CSMD3: variants seen among roughly 807,000 people sequenced by gnomAD.
CSMD3 encodes the protein CUB and Sushi multiple domains 3, also known as CUB and sushi domain-containing protein 3.
Under a neutral mutation model 435.2 loss-of-function variants are expected in CSMD3, and 177 were observed. The ratio of observed to expected loss-of-function variants is 0.41; its 90% confidence interval spans 0.36 to 0.46. CSMD3 has a LOEUF of 0.46. Ranked by LOEUF, CSMD3 falls within the 20% of genes least tolerant of loss-of-function variation. The pLI, the probability that CSMD3 is intolerant of heterozygous loss-of-function variation, is 0.34. For missense variants in CSMD3, 4,265 were observed against 4,504.6 expected (o/e 0.95, Z 1.52); for synonymous variants, 1,656 against 1,520.5 (o/e 1.09, Z -2.07).
chr8:113,050,091 TAAATTTAA>T (rs1252520829), intron 5 of CSMD3, among the ~76,000 whole-genome samples: 1 of 152,108 alleles, frequency 6.6e-6, no homozygotes, highest in Admixed American at 6.5e-5. Context: ...AATTTTAACA[TAAATTTAA>T]AAATTTAAAA....
chr8:113,008,833 A>G (rs1346133987), intron 6 of CSMD3, among the ~76,000 whole-genome samples: 2 of 151,322 alleles, frequency 1.3e-5, no homozygotes, highest in Middle Eastern at 3.2e-3. Flanking sequence ...CTAACAACCT[A>G]TTTATTATAT....
chr8:112,288,839 T>G (rs2130649951), intron 57 of CSMD3, among the ~76,000 whole-genome samples: 1 of 152,228 alleles, frequency 6.6e-6, no homozygotes, highest in South Asian at 2.1e-4. Context: ...TGTCACTTAT[T>G]AATATTAGGA....
intron 42 of CSMD3, 55 bp downstream of exon 42, chr8:112,341,422 T>A: frequency 8.7e-7 from 1 of 1,153,192 alleles, no homozygotes; most frequent in Non-Finnish European, 1.3e-6. Flanking sequence ...AGTTAAATAT[T>A]TCTAATAGCT....
Position 112,291,503 on chromosome 8 carries a change from T to A in CSMD3, c.8974+7A>T. ...TTCTCAAGAAACAATTCACATTATC[T>A]ACTTACTGATACATTCTGGTAAAGG... is the stretch of plus-strand genomic sequence containing the variant. On this transcript the variant is annotated splice_region_variant and intron_variant, in intron 56 of 70. Transcript: ENST00000297405. 1 of 1,575,604 alleles carries A rather than the reference T, an allele frequency of 6.3e-7. No individual in the cohort carries two copies. Among genetic ancestry groups the A allele is most frequent in the Non-Finnish European group, 8.7e-7 (1 of 1,145,834 alleles).
intron 3 of CSMD3, among the ~76,000 whole-genome samples, chr8:113,262,286 A>AT (rs749624367): frequency 4.6e-5 from 7 of 152,072 alleles, no homozygotes; most frequent in Non-Finnish European, 8.8e-5. Context: ...TTGACTATAT[A>AT]TTTTTAGGTA....
intron 38 of CSMD3, among the ~76,000 whole-genome samples, chr8:112,356,437 A>AT (rs1212543447): frequency 6.6e-6 from 1 of 152,134 alleles, no homozygotes; most frequent in African/African-American, 2.4e-5. Flanking sequence ...ATTGTCACTT[A>AT]TAAGTGGGAG....
At chr8:112,428,069 A>C (rs1051035054) in intron 32 of CSMD3, among the ~76,000 whole-genome samples, 4 of 152,162 alleles carry the variant, frequency 2.6e-5, no homozygotes, top group Non-Finnish European at 5.9e-5. Context: ...TTGGCATTTA[A>C]TTTCTAAAGT....
intron 22 of CSMD3, among the ~76,000 whole-genome samples, chr8:112,599,400 A>C: frequency 7.0e-6 from 1 of 143,558 alleles, no homozygotes. Flanking sequence ...GAGAAATAGG[A>C]ACACTTTTAC....
chr8:112,949,966 T>G (rs561663329), intron 8 of CSMD3, among the ~76,000 whole-genome samples: 3 of 152,006 alleles, frequency 2.0e-5, no homozygotes, highest in Non-Finnish European at 2.9e-5. Context: ...TCCCACTTCT[T>G]CCAAAAGATA....
At chr8:112,508,193 C>G (rs1563635011) in intron 28 of CSMD3, among the ~76,000 whole-genome samples, 1 of 152,110 alleles carries the variant, frequency 6.6e-6, no homozygotes, top group South Asian at 2.1e-4. Flanking sequence ...CACAAACACG[C>G]TCAGGTTTCT....
intron 3 of CSMD3, among the ~76,000 whole-genome samples, chr8:113,267,445 A>G (rs1293018996): frequency 6.6e-6 from 1 of 151,226 alleles, no homozygotes; most frequent in East Asian, 1.9e-4. Flanking sequence ...ATTTGCAGCA[A>G]CATCGATGGA....
chr8:112,764,441 A>G (rs906751996), intron 13 of CSMD3, among the ~76,000 whole-genome samples: 1 of 151,560 alleles, frequency 6.6e-6, no homozygotes, highest in Non-Finnish European at 1.5e-5. Context: ...CATTTTAACT[A>G]AAAGTAATTG....
intron 22 of CSMD3, 141 bp from the exon 23 acceptor site, chr8:112,587,376 T>C (rs971827138): frequency 2.0e-5 from 13 of 637,454 alleles, no homozygotes; most frequent in Non-Finnish European, 3.4e-5. Flanking sequence ...CTTTATGTTG[T>C]AAATGATTAA....
At chr8:112,379,626 T>C (rs977879153) in intron 38 of CSMD3, among the ~76,000 whole-genome samples, 6 of 152,186 alleles carry the variant, frequency 3.9e-5, no homozygotes. Context: ...TTCAACTAGA[T>C]GCTTATCAAA....
intron 22 of CSMD3, among the ~76,000 whole-genome samples, chr8:112,626,990 C>A (rs1834527795): frequency 6.6e-6 from 1 of 151,986 alleles, no homozygotes; most frequent in Non-Finnish European, 1.5e-5. Context: ...GCTCATAAGA[C>A]CAAACCTAGC....
Position 112,300,907 on chromosome 8 carries a change from T to C in CSMD3, c.8440+886A>G, listed in dbSNP as rs909433944. On this transcript the variant is annotated intron_variant, in intron 53 of 70. Transcript: ENST00000297405. Reference sequence around the variant, plus strand: ...AACTTTTCTGCCATGTGTCATATTCTTAAACAGTAATATTTTAAAGACAAA... The same window carrying C: ...AACTTTTCTGCCATGTGTCATATTCCTAAACAGTAATATTTTAAAGACAAA... 2.0e-5 allele frequency among the ~76,000 whole-genome samples: 3 copies of C among 152,154 alleles called. No homozygotes were observed. In the East Asian group the frequency reaches 5.8e-4, roughly 29 times the overall value.
intron 3 of CSMD3, among the ~76,000 whole-genome samples, chr8:113,230,420 A>G (rs1333120996): frequency 6.6e-6 from 1 of 151,558 alleles, no homozygotes; most frequent in Non-Finnish European, 1.5e-5. Context: ...ATAATACTCA[A>G]ATTTTTGTAC....
At chr8:112,582,592 A>C (rs1469408609) in intron 23 of CSMD3, among the ~76,000 whole-genome samples, 2 of 149,526 alleles carry the variant, frequency 1.3e-5, no homozygotes, top group African/African-American at 2.4e-5. Context: ...TTTTACTTAT[A>C]ATGAGATGAG....
chr8:113,355,055 T>C (rs2094212697), intron 1 of CSMD3, among the ~76,000 whole-genome samples: 1 of 152,208 alleles, frequency 6.6e-6, no homozygotes, highest in African/African-American at 2.4e-5. Flanking sequence ...GCCAAAACTT[T>C]ACAAATTTTA....
Sources: gnomAD v4.1 joint callset for allele counts (sites outside exome capture counted in the v4.1 genomes callset) on GRCh38, gnomAD v4.1.1 for gene constraint, MANE v1.5 for transcripts, NCBI Gene and HGNC (gene_info 2026-07-23, HGNC 2026-07-21) for gene names.